Variants in FBXL18 observed in about 807,000 individuals in gnomAD.
FBXL18 encodes F-box/LRR-repeat protein 18.
A neutral mutation model predicts 46.0 loss-of-function variants in FBXL18; 36 were observed. That is an observed-to-expected ratio of 0.78 (90% CI 0.60 to 1.03). FBXL18 has a LOEUF of 1.03. Among genes scored for constraint, FBXL18 ranks in the 50% least tolerant of loss-of-function variants. FBXL18 has a pLI of 0.00. For missense variants in FBXL18, 977 were observed against 1,004.1 expected (o/e 0.97, Z 0.36); for synonymous variants, 557 against 465.3 (o/e 1.20, Z -2.54).
At chr7:5,490,585 A>T (rs2128235517) in intron 4 of FBXL18, among the ~76,000 whole-genome samples, 1 of 152,284 alleles carries the variant, frequency 6.6e-6, no homozygotes, top group East Asian at 1.9e-4. Flanking sequence ...TTCTCTGTTC[A>T]ATCTACCGCC....
At chr7:5,475,355 G>C (rs1054848843), downstream of FBXL18, among the ~76,000 whole-genome samples, 1 of 152,088 alleles carries the variant, frequency 6.6e-6, no homozygotes, top group South Asian at 2.1e-4. The surrounding 1 kb of genome is among the most constrained non-coding windows in gnomAD (Gnocchi z 4.2). Context: ...GAACAATGCT[G>C]AGGCTGTTTC....
At chr7:5,497,719 C>CGGTGTTT (rs1784120242) in intron 3 of FBXL18, among the ~76,000 whole-genome samples, 1 of 152,182 alleles carries the variant, frequency 6.6e-6, no homozygotes, top group Non-Finnish European at 1.5e-5. Context: ...GGTCAAGCAC[C>CGGTGTTT]GGTGTTTGCG....
downstream of FBXL18, among the ~76,000 whole-genome samples, chr7:5,474,864 C>T (rs1280176926): frequency 2.7e-5 from 4 of 150,772 alleles, no homozygotes; most frequent in East Asian, 2.0e-4. Flanking sequence ...CCCGCCACCA[C>T]GCCCAGCTAA....
intron 3 of FBXL18, among the ~76,000 whole-genome samples, chr7:5,493,684 C>CAT (rs552320368): frequency 9.5e-5 from 14 of 146,644 alleles, no homozygotes; most frequent in African/African-American, 3.5e-4. Flanking sequence ...TGCGTGCGTG[C>CAT]GTGTGTGTGT....
At chr7:5,512,386 G>A (rs1453708209) in intron 1 of FBXL18, among the ~76,000 whole-genome samples, 2 of 151,458 alleles carry the variant, frequency 1.3e-5, no homozygotes, top group South Asian at 2.1e-4. Flanking sequence ...AAGCCAAGGC[G>A]GGTGGATCAC....
intron 2 of FBXL18, 142 bp from the exon 3 acceptor site, chr7:5,502,173 C>T (rs1224367539): frequency 2.6e-5 from 17 of 646,256 alleles, no homozygotes; most frequent in Non-Finnish European, 4.5e-5. Flanking sequence ...CCTACCTGCC[C>T]GCACTCTGAC....
chr7:5,494,917 C>T (rs192972543), intron 3 of FBXL18, among the ~76,000 whole-genome samples: 2 of 152,364 alleles, frequency 1.3e-5, no homozygotes, highest in African/African-American at 2.4e-5. Flanking sequence ...CACATTCTTC[C>T]GCCCCGGAGG....
intron 4 of FBXL18, chr7:5,489,193 G>C (rs941313584): frequency 2.0e-6 from 1 of 511,996 alleles, no homozygotes; most frequent in African/African-American, 1.9e-5. Flanking sequence ...TAATCACTTA[G>C]GGCTTTATTT....
At chr7:5,465,694 G>A (rs1473309491) in intron 4 of FBXL18, among the ~76,000 whole-genome samples, 1 of 152,098 alleles carries the variant, frequency 6.6e-6, no homozygotes, top group Non-Finnish European at 1.5e-5. Flanking sequence ...GGAGGGAGGG[G>A]AGAAATGGTG....
At chr7:5,465,357 C>A (rs1001936808) in intron 4 of FBXL18, among the ~76,000 whole-genome samples, 1 of 151,936 alleles carries the variant, frequency 6.6e-6, no homozygotes, top group African/African-American at 2.4e-5. Flanking sequence ...CACACCACCA[C>A]ACACAGGTAA....
chr7:5,455,735 TC>T lies in FBXL18; in HGVS notation c.2001-7893del, dbSNP rs1783163280. Among the ~76,000 whole-genome samples the T allele has an allele frequency of 6.8e-6, 1 of 146,466 alleles. No homozygotes were observed. The highest frequency in any genetic ancestry group is 1.5e-5 in the Non-Finnish European group (1 of 66,614). On this transcript the variant is annotated intron_variant and NMD_transcript_variant, in intron 4 of 6. Coordinates refer to the FBXL18 transcript ENST00000415009. This position sits in a 1 kb window ranked among gnomAD's most constrained non-coding sequence, Gnocchi z 4.6. ...TTTTTGGATGTCCCTAGATGGTGCC[TC>T]CCCCCCACCCCCACTACACACACAC...
rs59985346 is a variant in FBXL18, at chr7:5,504,915, C to CAAAAAAA, written c.237+490_237+496dup. ...TGGGCAAAAGAACGAGACTCCATCT[C>CAAAAAAA]AAAAAAAAAAAAAAAAAAAAAAAAA... On this transcript the variant is annotated intron_variant, in intron 2 of 4. Coordinates refer to ENST00000382368, the MANE Select transcript of FBXL18 (RefSeq NM_024963.6). 9.0e-4 allele frequency among the ~76,000 whole-genome samples: 27 copies of CAAAAAAA among 30,064 alleles called. 1 individual carries two copies. The highest frequency in any genetic ancestry group is 1.2e-3 in the Non-Finnish European group (21 of 17,966). 19.7% of individuals were successfully genotyped at this position (30,064 alleles called of 152,430 possible). A position where few individuals can be genotyped will look rare whatever the true frequency, so the allele number is the denominator to read the frequency against.
chr7:5,503,727 G>A (rs1382357833), intron 2 of FBXL18, among the ~76,000 whole-genome samples: 4 of 152,036 alleles, frequency 2.6e-5, no homozygotes, highest in African/African-American at 9.7e-5. Flanking sequence ...CCAGCACTTT[G>A]GGAGGCTGAA....
At chr7:5,473,031 G>T (rs1012801743), downstream of FBXL18, among the ~76,000 whole-genome samples, 2 of 152,066 alleles carry the variant, frequency 1.3e-5, no homozygotes, top group Non-Finnish European at 1.5e-5. Context: ...AGCCATTGGC[G>T]TCGGCAGCAC....
In FBXL18 at chr7:5,513,753, C is replaced by A. The variant is rs1178296421; in HGVS notation, c.-79G>T. 2 of 1,542,872 alleles carry A rather than the reference C, an allele frequency of 1.3e-6. No homozygotes were observed. The highest frequency in any genetic ancestry group is 2.0e-4 in the Middle Eastern group (1 of 4,936). Reference sequence around the variant, plus strand: ...CCTGCCCGGCTAGGGATGCTCGAAGCCGGCGCGTCCACCGCTCAACCGAGA... The same window carrying A: ...CCTGCCCGGCTAGGGATGCTCGAAGACGGCGCGTCCACCGCTCAACCGAGA... On this transcript the variant is annotated 5_prime_UTR_variant, in exon 1 of 5. Transcript: ENST00000382368.
chr7:5,484,724 C>T (rs553898785), intron 4 of FBXL18, among the ~76,000 whole-genome samples: 6 of 151,532 alleles, frequency 4.0e-5, no homozygotes, highest in African/African-American at 7.3e-5. Flanking sequence ...ATGCAACCTC[C>T]GCCTCCCGAG....
intron 4 of FBXL18, among the ~76,000 whole-genome samples, chr7:5,460,002 G>C (rs1330666988): frequency 6.6e-6 from 1 of 152,172 alleles, no homozygotes; most frequent in Admixed American, 6.6e-5. Context: ...GCTCGTGCCT[G>C]TAATCCCAAC....
At chr7:5,473,129 G>A (rs1242803614), downstream of FBXL18, among the ~76,000 whole-genome samples, 1 of 152,138 alleles carries the variant, frequency 6.6e-6, no homozygotes, top group Admixed American at 6.5e-5. Flanking sequence ...CCAGGGGACG[G>A]TGTGTACATG....
intron 4 of FBXL18, among the ~76,000 whole-genome samples, chr7:5,454,743 A>C (rs6960057): frequency 0.58 from 88,604 of 151,988 alleles, 26,278 homozygotes; most frequent in East Asian, 0.76. Context: ...GAGGACAGGG[A>C]CACCCTCCAG....
Sources: gnomAD v4.1 joint callset for allele counts (sites outside exome capture counted in the v4.1 genomes callset) on GRCh38, gnomAD v4.1.1 for gene constraint, Gnocchi (gnomAD v3.1) non-coding constraint, MANE v1.5 for transcripts, NCBI Gene and HGNC (gene_info 2026-07-23, HGNC 2026-07-21) for gene names.